Variants in GAS2 observed in about 807,000 individuals in gnomAD.
GAS2 encodes the protein growth arrest-specific protein 2.
A neutral mutation model predicts 37.5 loss-of-function variants in GAS2; 20 were observed. The observed-to-expected ratio is 0.53, with a 90% CI of 0.37 to 0.77. GAS2 has a LOEUF of 0.77. GAS2 is among the 30% of genes least tolerant of loss of function. GAS2 has a pLI of 0.00. For synonymous variants in GAS2, 144 were observed against 132.2 expected, an observed-to-expected ratio of 1.09 and a Z score of -0.61; for missense variants, 336 against 373.4, an observed-to-expected ratio of 0.90 and a Z score of 0.82.
chr11:22,704,612 T>G (rs533513139), intron 3 of GAS2, among the ~76,000 whole-genome samples: 1 of 143,286 alleles, frequency 7.0e-6, no homozygotes, highest in Non-Finnish European at 1.5e-5. Flanking sequence ...TATATATATA[T>G]ATATATATAT....
chr11:22,783,035 A>C (rs1277511061), intron 7 of GAS2, among the ~76,000 whole-genome samples: 1 of 152,160 alleles, frequency 6.6e-6, no homozygotes, highest in African/African-American at 2.4e-5. Flanking sequence ...TGGTCTTTAC[A>C]GAGGCTGGAC....
intron 7 of GAS2, among the ~76,000 whole-genome samples, chr11:22,802,223 C>G (rs1000052967): frequency 6.6e-6 from 1 of 151,986 alleles, no homozygotes; most frequent in Non-Finnish European, 1.5e-5. Context: ...AAACCAAACA[C>G]TGCATGTTCT....
At chr11:22,687,783 G>C (rs959785758) in intron 3 of GAS2, among the ~76,000 whole-genome samples, 14 of 152,190 alleles carry the variant, frequency 9.2e-5, no homozygotes, top group Non-Finnish European at 2.9e-5. Context: ...AACTTGTATA[G>C]AAGGTTTACA....
At chr11:22,696,971 G>C (rs1261099028) in intron 3 of GAS2, among the ~76,000 whole-genome samples, 1 of 149,068 alleles carries the variant, frequency 6.7e-6, no homozygotes, top group African/African-American at 2.5e-5. Context: ...GTCAATTTTG[G>C]CTTTTGTTGC....
intron 7 of GAS2, among the ~76,000 whole-genome samples, chr11:22,761,751 C>G (rs1854403672): frequency 1.3e-5 from 2 of 152,062 alleles, no homozygotes; most frequent in Non-Finnish European, 2.9e-5. Context: ...ATGTTGTTGC[C>G]ATTTCCATTT....
chr11:22,774,071 G>A (rs1855126613), intron 7 of GAS2, among the ~76,000 whole-genome samples: 1 of 152,128 alleles, frequency 6.6e-6, no homozygotes, highest in African/African-American at 2.4e-5. Flanking sequence ...TCGGCTCACT[G>A]CAACCTCCGC....
chr11:22,808,163 C>T (rs1210784664), intron 7 of GAS2, among the ~76,000 whole-genome samples: 1 of 152,158 alleles, frequency 6.6e-6, no homozygotes, highest in Admixed American at 6.5e-5. Context: ...CACAATGACA[C>T]AAAATCAATC....
chr11:22,692,648 T>A (rs1045214579), intron 3 of GAS2, among the ~76,000 whole-genome samples: 4 of 152,116 alleles, frequency 2.6e-5, no homozygotes, highest in African/African-American at 7.2e-5. Flanking sequence ...CCATCAGAGG[T>A]ATAACTTTGA....
chr11:22,788,856 G>C (rs1362378855), intron 7 of GAS2, among the ~76,000 whole-genome samples: 1 of 151,746 alleles, frequency 6.6e-6, no homozygotes, highest in Non-Finnish European at 1.5e-5. Flanking sequence ...CCATAAACTG[G>C]AGATAATTAT....
At chr11:22,663,831 AT>A (rs1369894272), upstream of GAS2, among the ~76,000 whole-genome samples, 1 of 152,186 alleles carries the variant, frequency 6.6e-6, no homozygotes, top group African/African-American at 2.4e-5. Flanking sequence ...TATAAAATTT[AT>A]TCTCTTTGCC....
intron 3 of GAS2, among the ~76,000 whole-genome samples, chr11:22,705,086 G>T (rs1851044736): frequency 6.6e-6 from 1 of 152,064 alleles, no homozygotes; most frequent in Non-Finnish European, 1.5e-5. Context: ...TTTTTCAAAT[G>T]GCACCTCAAC....
At chr11:22,649,918 T>G (rs1045524486) in intron 1 of GAS2, among the ~76,000 whole-genome samples, 21 of 152,254 alleles carry the variant, frequency 1.4e-4, no homozygotes, top group Admixed American at 1.3e-3. Context: ...TCTATTTCCT[T>G]CAGTTCTGCT....
intron 1 of GAS2, among the ~76,000 whole-genome samples, chr11:22,674,297 C>T (rs1849324785): frequency 6.6e-6 from 1 of 151,762 alleles, no homozygotes; most frequent in Non-Finnish European, 1.5e-5. Flanking sequence ...TGTACCTCTT[C>T]CCCTGCTTCT....
intron 3 of GAS2, among the ~76,000 whole-genome samples, chr11:22,713,997 T>G (rs940494857): frequency 6.6e-6 from 1 of 152,046 alleles, no homozygotes; most frequent in Non-Finnish European, 1.5e-5. Context: ...AGGTAACAAC[T>G]AGCATGATGA....
intron 2 of GAS2, among the ~76,000 whole-genome samples, chr11:22,684,445 G>T (rs761891720): frequency 6.6e-6 from 1 of 152,122 alleles, no homozygotes; most frequent in African/African-American, 2.4e-5. Flanking sequence ...TTTTATTAAG[G>T]TTATGGCATG....
intron 3 of GAS2, among the ~76,000 whole-genome samples, chr11:22,707,022 C>A (rs992182604): frequency 2.6e-5 from 4 of 152,074 alleles, no homozygotes; most frequent in African/African-American, 9.7e-5. Flanking sequence ...TTAATGATTG[C>A]CATTCTAACT....
chr11:22,680,279 C>G (rs1849616861), intron 2 of GAS2, among the ~76,000 whole-genome samples: 1 of 152,056 alleles, frequency 6.6e-6, no homozygotes, highest in Non-Finnish European at 1.5e-5. Context: ...GAGCAGTTAT[C>G]CTAATTTTGT....
At chr11:22,756,012 G>A (rs1854015632) in intron 7 of GAS2, 59 bp downstream of exon 7, 5 of 1,206,548 alleles carry the variant, frequency 4.1e-6, no homozygotes, top group Admixed American at 3.9e-5. Flanking sequence ...TTTGAGTTAG[G>A]GGAAATATGA....
At chr11:22,659,400 G>A (rs1848891881) in intron 1 of GAS2, among the ~76,000 whole-genome samples, 2 of 152,142 alleles carry the variant, frequency 1.3e-5, no homozygotes, top group African/African-American at 2.4e-5. Flanking sequence ...GCTTAGGCTT[G>A]GGAGCTAGTT....
Sources: gnomAD v4.1 joint callset for allele counts (sites outside exome capture counted in the v4.1 genomes callset) on GRCh38, gnomAD v4.1.1 for gene constraint, MANE v1.5 for transcripts, NCBI Gene and HGNC (gene_info 2026-07-23, HGNC 2026-07-21) for gene names.